Variants in LAMA3 observed in about 807,000 individuals in gnomAD.
LAMA3 encodes laminin subunit alpha-3.
A neutral mutation model predicts 402.0 loss-of-function variants in LAMA3; 281 were observed. That is an observed-to-expected ratio of 0.70 (90% CI 0.63 to 0.77). The LOEUF is 0.77. LAMA3 is among the 30% of genes least tolerant of loss of function. The pLI is 0.00. For synonymous variants in LAMA3, 1,431 were observed against 1,558.4 expected (o/e 0.92, Z 1.93); for missense variants, 3,840 against 4,215.5 (o/e 0.91, Z 2.47).
intron 2 of LAMA3, among the ~76,000 whole-genome samples, chr18:23,747,169 G>C (rs543614011): frequency 3.9e-5 from 6 of 152,074 alleles, no homozygotes; most frequent in Non-Finnish European, 8.8e-5. Flanking sequence ...GTTCAATGTC[G>C]TACCAGGCTC....
chr18:23,920,974 A>C lies in LAMA3; in HGVS notation c.7963A>C (p.Met2655Leu), dbSNP rs2081815344. 1.2e-6 allele frequency: 2 copies of C among 1,614,090 alleles called. No individual in the cohort carries two copies. The highest frequency in any genetic ancestry group is 2.2e-5 in the South Asian group (2 of 91,080). The change falls in exon 61 of 75, where the codon ATG becomes CTG. Residue 2655 changes from methionine to leucine, a missense_variant. Met to Leu is a conservative substitution (Grantham distance 15). Coordinates refer to ENST00000313654, the MANE Select transcript of LAMA3 (RefSeq NM_198129.4). ...ISLNIEDGKLMVRYKLNSELP... is the reference protein window; with the variant it reads ...ISLNIEDGKLLVRYKLNSELP... ...TCTAAATATAGAAGATGGCAAGCTC[A>C]TGGTGAGATACAAACTGAATTCAGA...
chr18:23,701,046 G>A (rs533026289), intron 1 of LAMA3, among the ~76,000 whole-genome samples: 1 of 152,174 alleles, frequency 6.6e-6, no homozygotes, highest in Non-Finnish European at 1.5e-5. Flanking sequence ...ATTTTGGTAA[G>A]AAAGTCAAAA....
At chr18:23,890,290 C>A (rs939489161) in intron 42 of LAMA3, among the ~76,000 whole-genome samples, 173 bp downstream of exon 42, 1 of 152,142 alleles carries the variant, frequency 6.6e-6, no homozygotes, top group African/African-American at 2.4e-5. Context: ...CTTGTTTTGA[C>A]AAACCTGGGA....
intron 33 of LAMA3, among the ~76,000 whole-genome samples, chr18:23,858,465 G>A (rs1470429936): frequency 6.6e-6 from 1 of 152,014 alleles, no homozygotes; most frequent in Non-Finnish European, 1.5e-5. Flanking sequence ...ATGCCCCAGG[G>A]GCATCTTATG....
intron 15 of LAMA3, 65 bp from the exon 16 acceptor site, chr18:23,815,123 T>C (rs2063150256): frequency 1.4e-6 from 2 of 1,436,048 alleles, no homozygotes. Context: ...CTGTGTAATG[T>C]TCCCAGAGCC....
In LAMA3 at chr18:23,899,017, G is replaced by A. The variant is rs750091395; in HGVS notation, c.5788G>A (p.Ala1930Thr). The A allele has an allele frequency of 3.0e-5, 49 of 1,613,832 alleles. No individual in the cohort carries two copies. The highest frequency in any genetic ancestry group is 3.3e-4 in the Middle Eastern group (2 of 6,082). ...NNNVNRATQS[A>T]KELDVKIKNV... ...CAATGTTAATCGGGCAACACAAAGCGCAAAAGAACTGGATGTGAAGATTAA... is the reference window on the plus strand; with the variant it reads ...CAATGTTAATCGGGCAACACAAAGCACAAAAGAACTGGATGTGAAGATTAA... The change falls in exon 46 of 75, where the codon GCA becomes ACA. Residue 1930 changes from alanine to threonine, a missense_variant. Physicochemically the swap from Ala to Thr is moderately conservative, Grantham distance 58. Transcript: ENST00000313654.
At chr18:23,869,654 T>C (rs530811157) in intron 37 of LAMA3, among the ~76,000 whole-genome samples, 1 of 152,344 alleles carries the variant, frequency 6.6e-6, no homozygotes, top group Non-Finnish European at 1.5e-5. Flanking sequence ...TTTATATATA[T>C]TGTATCATTT....
rs74632526 is a variant in LAMA3, at chr18:23,771,355, A to G, written c.1183-2142A>G. The stretch of plus-strand genomic sequence containing the variant: ...ATTTAAATGAAATTCTGAAACAGGT[A>G]AAAGTAGTCCATAGTGGAGAAAGTC... On this transcript the variant is annotated intron_variant, in intron 8 of 74. Coordinates refer to ENST00000313654, the MANE Select transcript of LAMA3 (RefSeq NM_198129.4). 7.5e-4 allele frequency among the ~76,000 whole-genome samples: 114 copies of G among 152,370 alleles called. No individual in the cohort carries two copies. In the East Asian group the frequency reaches 0.02, roughly 26 times the overall value.
intron 39 of LAMA3, among the ~76,000 whole-genome samples, chr18:23,880,033 T>G (rs1568290251): frequency 1.3e-5 from 2 of 152,236 alleles, no homozygotes; most frequent in Admixed American, 1.3e-4. Context: ...GAAAGAGAAC[T>G]AAAATGGAAA....
intron 37 of LAMA3, among the ~76,000 whole-genome samples, chr18:23,870,106 C>T (rs2064473582): frequency 6.6e-6 from 1 of 152,092 alleles, no homozygotes; most frequent in East Asian, 1.9e-4. Context: ...AGTTCGAGAC[C>T]AGCCTGGCCA....
At chr18:23,951,865 C>A in intron 73 of LAMA3, 88 bp downstream of exon 73, 1 of 1,025,366 alleles carries the variant, frequency 9.8e-7, no homozygotes, top group Non-Finnish European at 1.5e-6. Flanking sequence ...GCCTCAGCCC[C>A]TCCATCCACA....
Position 23,773,580 on chromosome 18 carries a change from C to T in LAMA3, c.1266C>T (p.Gly422=), listed in dbSNP as rs577542300. 9 of 1,575,480 alleles carry T rather than the reference C, an allele frequency of 5.7e-6. No homozygotes were observed. The highest frequency in any genetic ancestry group is 1.3e-5 in the African/African-American group (1 of 74,260). Reference sequence around the variant, plus strand: ...GGGTTCCAGTGGATGCCCCTGATGGCTGCATCCGTAAGTTTCATTTCAAGT... The same window carrying T: ...GGGTTCCAGTGGATGCCCCTGATGGTTGCATCCGTAAGTTTCATTTCAAGT... ...PYGVPVDAPD[G]CIPCSCDPEH... Residue 422 remains glycine (G), a synonymous_variant, in exon 9 of 75, where the codon GGC becomes GGT. Transcript: ENST00000313654.
At chr18:23,753,555 T>C (rs2143608389) in intron 5 of LAMA3, among the ~76,000 whole-genome samples, 166 bp from the exon 6 acceptor site, 1 of 152,334 alleles carries the variant, frequency 6.6e-6, no homozygotes, top group African/African-American at 2.4e-5. Flanking sequence ...TACATTTTAT[T>C]GAGGAATGTG....
intron 62 of LAMA3, 74 bp downstream of exon 62, chr18:23,921,659 C>T: frequency 1.3e-6 from 2 of 1,486,636 alleles, no homozygotes; most frequent in Non-Finnish European, 1.9e-6. Context: ...AAAATCTGGT[C>T]TGCCATTTTT....
intron 12 of LAMA3, among the ~76,000 whole-genome samples, chr18:23,793,417 G>A (rs2062700406): frequency 6.6e-6 from 1 of 152,034 alleles, no homozygotes. Context: ...TGAATCCAAA[G>A]CCCAGGGGCT....
chr18:23,906,469 C>G (rs2081253454), intron 52 of LAMA3, among the ~76,000 whole-genome samples: 1 of 152,102 alleles, frequency 6.6e-6, no homozygotes. Context: ...CTCTCTCAAT[C>G]TCACCAAATT....
chr18:23,722,525 A>G (rs1485415922), intron 2 of LAMA3, among the ~76,000 whole-genome samples: 1 of 152,224 alleles, frequency 6.6e-6, no homozygotes, highest in Admixed American at 6.5e-5. Context: ...ATGTCTTGCT[A>G]TCATCATGGA....
chr18:23,794,580 G>A (rs1016274508), intron 12 of LAMA3, among the ~76,000 whole-genome samples: 7 of 152,122 alleles, frequency 4.6e-5, no homozygotes, highest in African/African-American at 7.2e-5. Flanking sequence ...CAGGAGATTC[G>A]ACTTTAAACT....
At chr18:23,860,289 G>T (rs1370992627) in intron 34 of LAMA3, among the ~76,000 whole-genome samples, 3 of 144,802 alleles carry the variant, frequency 2.1e-5, no homozygotes, top group Non-Finnish European at 3.0e-5. Flanking sequence ...TTGAGACAGG[G>T]TCTCTGTTGC....
Sources: gnomAD v4.1 joint callset for allele counts (sites outside exome capture counted in the v4.1 genomes callset) on GRCh38, gnomAD v4.1.1 for gene constraint, MANE v1.5 for transcripts, NCBI Gene and HGNC (gene_info 2026-07-23, HGNC 2026-07-21) for gene names.